ENPP7: variants seen among roughly 807,000 people sequenced by gnomAD.
ENPP7 encodes ectonucleotide pyrophosphatase/phosphodiesterase 7, also known as ectonucleotide pyrophosphatase/phosphodiesterase family member 7.
In ENPP7, 39 loss-of-function variants were observed where a neutral mutation model predicts 33.6. The observed-to-expected ratio is 1.16, with a 90% CI of 0.90 to 1.52. The LOEUF (loss-of-function observed/expected upper bound fraction) is 1.52. ENPP7 is among the 40% of genes most tolerant of loss of function. ENPP7 has a pLI of 0.00. For missense variants in ENPP7, 594 were observed against 641.0 expected (o/e 0.93, Z 0.79); for synonymous variants, 244 against 274.3 (o/e 0.89, Z 1.09).
intron 2 of ENPP7, 126 bp downstream of exon 2, chr17:79,733,779 C>T: frequency 9.7e-7 from 1 of 1,029,752 alleles, no homozygotes; most frequent in South Asian, 1.6e-5. Flanking sequence ...GGCTCCTGGC[C>T]TACCCTGGCA....
chr17:79,737,312 C>T lies in ENPP7; in HGVS notation c.1246+52C>T. On this transcript the variant is annotated intron_variant, in intron 4 of 5. Coordinates refer to ENST00000328313, the MANE Select transcript of ENPP7 (RefSeq NM_178543.5). The surrounding 1 kb of genome is among the most constrained non-coding windows in gnomAD (Gnocchi z 5.5). ...GCCTGCTCTGGTGTGTACACGTGTG[C>T]ACACGAGGGTGCCTGCATGCCTGTG... The T allele has an allele frequency of 6.9e-7, 1 of 1,458,040 alleles. No individual in the cohort carries two copies. The highest frequency in any genetic ancestry group is 9.3e-7 in the Non-Finnish European group (1 of 1,074,906). 90.3% of individuals were successfully genotyped at this position (1,458,040 alleles called of 1,614,324 possible). A position where few individuals can be genotyped will look rare whatever the true frequency, so the allele number is the denominator to read the frequency against.
Position 79,736,071 on chromosome 17 carries a change from T to C in ENPP7, c.1026+402T>C, listed in dbSNP as rs559753024. 3.9e-5 allele frequency among the ~76,000 whole-genome samples: 6 copies of C among 152,234 alleles called. No homozygotes were observed. In the South Asian group the frequency reaches 1.0e-3, roughly 26 times the overall value. ...GGCGCCTGCCACCATGCCTGACTAA[T>C]TTTTTGTATTTTTAGTGGAGACAGA... On this transcript the variant is annotated intron_variant, in intron 3 of 5. Transcript: ENST00000328313.
In ENPP7 at chr17:79,735,231, G is replaced by C; in HGVS notation, c.588G>C (p.Gly196=). The change falls in exon 3 of 6, where the codon GGG becomes GGC. Residue 196 remains glycine (G), a synonymous_variant. Transcript: ENST00000328313. The surrounding 1 kb of genome is among the most constrained non-coding windows in gnomAD (Gnocchi z 5.5). ...EDLDLVTLYF[G]EPDSTGHRYG... is the part of the protein sequence containing the mutation. Reference sequence around the variant, plus strand: ...TGGATCTGGTCACACTCTACTTCGGGGAGCCGGACTCCACGGGCCACAGGT... The same window carrying C: ...TGGATCTGGTCACACTCTACTTCGGCGAGCCGGACTCCACGGGCCACAGGT... 1 of 1,613,468 alleles carries C rather than the reference G, an allele frequency of 6.2e-7. No homozygotes were observed. Among genetic ancestry groups the C allele is most frequent in the East Asian group, 2.2e-5 (1 of 44,882 alleles).
Position 79,733,682 on chromosome 17 carries a change from C to T in ENPP7, c.399+29C>T, listed in dbSNP as rs781800266. On this transcript the variant is annotated intron_variant, in intron 2 of 5. Coordinates refer to ENST00000328313, the MANE Select transcript of ENPP7 (RefSeq NM_178543.5). The stretch of plus-strand genomic sequence containing the variant: ...ATGTCACCCCCGCCCATACTGACAT[C>T]GCAGAGCACGGGGGCACCTAGGCCC... The T allele has an allele frequency of 1.3e-5, 21 of 1,578,522 alleles. No homozygotes were observed. The Admixed American group carries it at 3.1e-4, about 23-fold the overall frequency.
At position 79,737,175 on chromosome 17, in the gene ENPP7, G is replaced by A. The variant is rs782077833; in HGVS notation, c.1161G>A (p.Val387=). Residue 387 remains valine, a synonymous_variant, in exon 4 of 6, where the codon GTG becomes GTA. Transcript: ENST00000328313. The surrounding 1 kb of genome is among the most constrained non-coding windows in gnomAD (Gnocchi z 5.5). ...TGGAGCCCTTTGAGAGCGTCCACGTGTACGAGCTCATGTGCCGGCTGCTGG... is the reference window on the plus strand; with the variant it reads ...TGGAGCCCTTTGAGAGCGTCCACGTATACGAGCTCATGTGCCGGCTGCTGG... ...LEVEPFESVH[V]YELMCRLLGI... is the part of the protein sequence containing the mutation. 3 of 1,613,614 alleles carry A rather than the reference G, an allele frequency of 1.9e-6. No individual in the cohort carries two copies. The highest frequency in any genetic ancestry group is 1.1e-5 in the South Asian group (1 of 91,092).
At position 79,738,087 on chromosome 17, in the gene ENPP7, G is replaced by A. The variant is rs201306424; in HGVS notation, c.*16+25G>A. The A allele has an allele frequency of 6.7e-5, 107 of 1,598,322 alleles. No individual in the cohort carries two copies. In the East Asian group the frequency reaches 1.7e-3, roughly 25 times the overall value. On this transcript the variant is annotated intron_variant, in intron 5 of 5. Transcript: ENST00000328313. This position sits in a 1 kb window ranked among gnomAD's most constrained non-coding sequence, Gnocchi z 6.2. ...GGTCAGAGACCCAGAAGGCAGAGGC[G>A]GGAGGGTGGCCCCACGCTCCCTGAC...
At chr17:79,732,122 A>C (rs1258882048) in intron 1 of ENPP7, among the ~76,000 whole-genome samples, 1 of 34,930 alleles carries the variant, frequency 2.9e-5, no homozygotes, top group Non-Finnish European at 6.0e-5. Flanking sequence ...ATATATATAC[A>C]TATATATATG....
At chr17:79,740,597 A>G (rs1905449583) in intron 5 of ENPP7, among the ~76,000 whole-genome samples, 1 of 152,208 alleles carries the variant, frequency 6.6e-6, no homozygotes, top group South Asian at 2.1e-4. Flanking sequence ...GGACTCAGAA[A>G]AAGTCATTAT....
At chr17:79,732,327 G>A (rs1261570840) in intron 1 of ENPP7, among the ~76,000 whole-genome samples, 1 of 151,512 alleles carries the variant, frequency 6.6e-6, no homozygotes, top group African/African-American at 2.4e-5. Context: ...CACAAAAAAG[G>A]TGTTAGAGAA....
intron 2 of ENPP7, 75 bp from the exon 3 acceptor site, chr17:79,734,968 C>T: frequency 1.3e-6 from 2 of 1,501,186 alleles, no homozygotes; most frequent in East Asian, 2.3e-5. Context: ...ACGTGGGGGA[C>T]AAATGTGTTC....
intron 3 of ENPP7, among the ~76,000 whole-genome samples, chr17:79,736,783 G>A (rs1314310592): frequency 1.3e-5 from 2 of 152,202 alleles, no homozygotes; most frequent in African/African-American, 4.8e-5. Flanking sequence ...GGCAGGCCCC[G>A]AAGCCTGGAG....
chr17:79,741,048 A>G lies in ENPP7; in HGVS notation c.*17-746A>G, dbSNP rs1189515450. Among the ~76,000 whole-genome samples the G allele has an allele frequency of 3.3e-5, 5 of 152,104 alleles. No homozygotes were observed. The East Asian group carries it at 9.6e-4, about 29-fold the overall frequency. ...TGCCCAGGCTGGAGTGCAGTGGTGCAATCACAGCTCACTGCAGCCTCGACC... is the reference window on the plus strand; with the variant it reads ...TGCCCAGGCTGGAGTGCAGTGGTGCGATCACAGCTCACTGCAGCCTCGACC... On this transcript the variant is annotated intron_variant, in intron 5 of 5. Transcript: ENST00000328313.
intron 5 of ENPP7, 50 bp from the exon 6 acceptor site, chr17:79,741,744 C>T (rs1905541187): frequency 2.0e-6 from 2 of 978,814 alleles, no homozygotes; most frequent in Non-Finnish European, 2.4e-6. Context: ...CTGCCCTCAG[C>T]CTGCCCCATC....
rs1555824038 is a variant in ENPP7, at chr17:79,738,239, G to A, written c.*16+177G>A. 9.8e-6 allele frequency: 6 copies of A among 614,658 alleles called. No individual in the cohort carries two copies. The highest frequency in any genetic ancestry group is 5.8e-5 in the Admixed American group (2 of 34,542). The allele number at this position is 614,658 out of a possible 1,614,324, so 38.1% of individuals were successfully genotyped here. A position where few individuals can be genotyped will look rare whatever the true frequency, so the allele number is the denominator to read the frequency against. The stretch of plus-strand genomic sequence containing the variant: ...CCATCACCCCTGAGATCCCGAGGCT[G>A]ACCCTTCCAGCCTCTCTGCTCTGGG... On this transcript the variant is annotated intron_variant, in intron 5 of 5. Coordinates refer to ENST00000328313, the MANE Select transcript of ENPP7 (RefSeq NM_178543.5). This position sits in a 1 kb window ranked among gnomAD's most constrained non-coding sequence, Gnocchi z 6.2.
chr17:79,737,507 G>C lies in ENPP7; in HGVS notation c.1246+247G>C, dbSNP rs1401979734. 6.6e-6 allele frequency among the ~76,000 whole-genome samples: 1 copy of C among 152,160 alleles called. No homozygotes were observed. Among genetic ancestry groups the C allele is most frequent in the Non-Finnish European group, 1.5e-5 (1 of 67,988 alleles). On this transcript the variant is annotated intron_variant, in intron 4 of 5. Transcript: ENST00000328313. The surrounding 1 kb of genome is among the most constrained non-coding windows in gnomAD (Gnocchi z 5.5). Reference sequence around the variant, plus strand: ...CAGTCTTGCTCAAGAAGGGGCTGGAGGGAGCGAGGGTGGCCCAGGCGGGCC... The same window carrying C: ...CAGTCTTGCTCAAGAAGGGGCTGGACGGAGCGAGGGTGGCCCAGGCGGGCC...
chr17:79,735,165 G>A lies in ENPP7; in HGVS notation c.522G>A (p.Ala174=), dbSNP rs782736144. ...HNYKNETEWR[A]NIDTVMAWFT... ...ACAAAAATGAGACGGAGTGGAGAGCGAACATCGACACAGTGATGGCGTGGT... is the reference window on the plus strand; with the variant it reads ...ACAAAAATGAGACGGAGTGGAGAGCAAACATCGACACAGTGATGGCGTGGT... Residue 174 remains alanine, a synonymous_variant, in exon 3 of 6, where the codon GCG becomes GCA. Coordinates refer to ENST00000328313, the MANE Select transcript of ENPP7 (RefSeq NM_178543.5). The surrounding 1 kb of genome is among the most constrained non-coding windows in gnomAD (Gnocchi z 5.5). 8 of 1,613,280 alleles carry A rather than the reference G, an allele frequency of 5.0e-6. No homozygotes were observed. The highest frequency in any genetic ancestry group is 1.3e-5 in the African/African-American group (1 of 75,054).
rs782680468 is a variant in ENPP7, at chr17:79,735,560, A to G, written c.917A>G (p.Lys306Arg). The G allele has an allele frequency of 1.2e-6, 2 of 1,613,574 alleles. No individual in the cohort carries two copies. The highest frequency in any genetic ancestry group is 1.7e-6 in the Non-Finnish European group (2 of 1,179,750). ...GATGCCCTCAAGGACGCCCACCCCA[A>G]GCTCCACGTCTACAAGAAGGAGGCG... is the stretch of plus-strand genomic sequence containing the variant. Reference protein sequence around the residue: ...VYDALKDAHPKLHVYKKEAFP... With the variant: ...VYDALKDAHPRLHVYKKEAFP... Residue 306 changes from lysine to arginine, a missense_variant, in exon 3 of 6, where the codon AAG becomes AGG. By Grantham distance (26) the Lys-to-Arg change is conservative (BLOSUM62 2). Around this residue, in one of 3 missense-constraint regions of ENPP7, gnomAD observed 504 missense variants for 512.8 expected, o/e 0.98. Transcript: ENST00000328313. This position sits in a 1 kb window ranked among gnomAD's most constrained non-coding sequence, Gnocchi z 5.5.
Position 79,739,313 on chromosome 17 carries a change from GCC to G in ENPP7, c.*16+1254_*16+1255del, listed in dbSNP as rs1462743301. On this transcript the variant is annotated intron_variant, in intron 5 of 5. Transcript: ENST00000328313. This position sits in a 1 kb window ranked among gnomAD's most constrained non-coding sequence, Gnocchi z 4.4. ...GAGGTTGTGGGATGCACAGCGGGGA[GCC>G]CCAAGCTGAGGTTACACAGGGTCTG... The G allele has an allele frequency of 6.6e-6, 1 of 152,358 alleles. No individual in the cohort carries two copies. Among genetic ancestry groups the G allele is most frequent in the Non-Finnish European group, 1.5e-5 (1 of 68,134 alleles). The allele number at this position is 152,358 out of a possible 1,614,324, so 9.4% of individuals were successfully genotyped here.
chr17:79,735,782 T>C lies in ENPP7; in HGVS notation c.1026+113T>C. ...CTCTGTTGCCCAGGCTGGAGTGCAA[T>C]GGCAGGATCTCAGCTCACTGCAGCC... On this transcript the variant is annotated intron_variant, in intron 3 of 5. Transcript: ENST00000328313. The surrounding 1 kb of genome is among the most constrained non-coding windows in gnomAD (Gnocchi z 5.5). 1 of 984,788 alleles carries C rather than the reference T, an allele frequency of 1.0e-6. No homozygotes were observed. Among genetic ancestry groups the C allele is most frequent in the Non-Finnish European group, 1.5e-6 (1 of 676,228 alleles). 61.0% of individuals were successfully genotyped at this position (984,788 alleles called of 1,614,324 possible). A position where few individuals can be genotyped will look rare whatever the true frequency, so the allele number is the denominator to read the frequency against.
Sources: allele counts gnomAD v4.1 joint callset (sites outside exome capture counted in the v4.1 genomes callset), GRCh38; gene constraint gnomAD v4.1.1; regional missense constraint gnomAD v4.1.1; non-coding constraint Gnocchi (gnomAD v3.1); transcripts MANE v1.5; gene names NCBI Gene and HGNC (gene_info 2026-07-23, HGNC 2026-07-21).